Variants in DSCAM observed in about 807,000 individuals in gnomAD.
The protein encoded by DSCAM is DS cell adhesion molecule, also known as cell adhesion molecule DSCAM.
In DSCAM, 47 loss-of-function variants were observed where a neutral mutation model predicts 217.7. The ratio of observed to expected loss-of-function variants is 0.22; its 90% CI spans 0.17 to 0.28. The LOEUF is 0.28. DSCAM is among the 10% of genes least tolerant of loss of function. DSCAM has a pLI of 1.00. For missense variants in DSCAM, 2,080 were observed against 2,618.3 expected (o/e 0.79, Z 4.49); for synonymous variants, 1,056 against 1,015.3 (o/e 1.04, Z -0.76).
intron 3 of DSCAM, among the ~76,000 whole-genome samples, chr21:40,485,425 G>C (rs1196788302): frequency 6.6e-6 from 1 of 151,200 alleles, no homozygotes; most frequent in East Asian, 2.0e-4. Flanking sequence ...TGTATTTTTA[G>C]TAGAGACGGG....
chr21:40,527,894 C>T (rs2076412513), intron 3 of DSCAM, among the ~76,000 whole-genome samples: 1 of 152,152 alleles, frequency 6.6e-6, no homozygotes, highest in African/African-American at 2.4e-5. Flanking sequence ...GACCACCCGC[C>T]TCATAGCTGT....
At chr21:40,349,717 A>T in intron 5 of DSCAM, among the ~76,000 whole-genome samples, 1 of 152,308 alleles carries the variant, frequency 6.6e-6, no homozygotes, top group Middle Eastern at 3.4e-3. Context: ...GGCAAATCAA[A>T]ACAAAACAAA....
intron 9 of DSCAM, among the ~76,000 whole-genome samples, chr21:40,297,514 T>G (rs1271915565): frequency 6.6e-6 from 1 of 152,116 alleles, no homozygotes; most frequent in Non-Finnish European, 1.5e-5. Context: ...AATTCTTAAT[T>G]TTGAGACATA....
intron 3 of DSCAM, among the ~76,000 whole-genome samples, chr21:40,410,388 G>A (rs1019692168): frequency 1.3e-5 from 2 of 152,004 alleles, no homozygotes; most frequent in African/African-American, 2.4e-5. Context: ...TATAGAATAT[G>A]TGCAATTAGA....
At chr21:40,261,872 C>G (rs1046423112) in intron 11 of DSCAM, among the ~76,000 whole-genome samples, 13 of 151,960 alleles carry the variant, frequency 8.6e-5, no homozygotes, top group African/African-American at 3.1e-4. Context: ...AAGCCCTAAC[C>G]AATGTAATGG....
rs1200428987 is a variant in DSCAM, at chr21:40,695,017, C to T, written c.362-2061G>A. 2.6e-5 allele frequency among the ~76,000 whole-genome samples: 4 copies of T among 152,120 alleles called. No individual in the cohort carries two copies. In the East Asian group the frequency reaches 7.7e-4, roughly 29 times the overall value. On this transcript the variant is annotated intron_variant, in intron 2 of 32. Transcript: ENST00000400454. ...GTCTACCGTCACAGGAATAGTGCCCCTAAGCAGGGGAATGATTTCAATTTA... is the reference window on the plus strand; with the variant it reads ...GTCTACCGTCACAGGAATAGTGCCCTTAAGCAGGGGAATGATTTCAATTTA...
rs1555880013 is a variant in DSCAM, at chr21:40,682,601, G to GAGAAAGAGAGAGAGAGAGAA, written c.508+10208_508+10209insTTCTCTCTCTCTCTCTTTCT. 3.1e-4 allele frequency among the ~76,000 whole-genome samples: 14 copies of GAGAAAGAGAGAGAGAGAGAA among 44,978 alleles called. 1 individual carries two copies. The highest frequency in any genetic ancestry group is 1.0e-3 in the African/African-American group (14 of 13,594). 29.5% of individuals were successfully genotyped at this position (44,978 alleles called of 152,430 possible). On this transcript the variant is annotated intron_variant, in intron 3 of 32. Transcript: ENST00000400454. ...GAAGAGAGAAAGAGAGAGAGAAAGA[G>GAGAAAGAGAGAGAGAGAGAA]AGAAAGAAAGAAAGAGAAAGAGAAA...
chr21:40,302,139 T>C (rs1195849979), intron 9 of DSCAM, among the ~76,000 whole-genome samples: 1 of 152,198 alleles, frequency 6.6e-6, no homozygotes, highest in East Asian at 1.9e-4. Context: ...TTTAGTATAT[T>C]GTGGTGAGCC....
chr21:40,836,812 T>C (rs1340675609), intron 1 of DSCAM, among the ~76,000 whole-genome samples: 2 of 152,072 alleles, frequency 1.3e-5, no homozygotes, highest in Non-Finnish European at 2.9e-5. Flanking sequence ...ATAACAAACA[T>C]GGAAACCATA....
intron 1 of DSCAM, among the ~76,000 whole-genome samples, chr21:40,785,903 T>C (rs1258405329): frequency 1.3e-5 from 2 of 152,212 alleles, no homozygotes; most frequent in African/African-American, 4.8e-5. Context: ...ATTGAGATGG[T>C]ATTTTTTCCC....
chr21:40,540,727 C>G (rs1393384495), intron 3 of DSCAM, among the ~76,000 whole-genome samples: 4 of 152,276 alleles, frequency 2.6e-5, no homozygotes, highest in African/African-American at 7.2e-5. Context: ...AGAGCTCCCC[C>G]ATCCCTCCCA....
chr21:40,292,636 C>A (rs956215280), intron 10 of DSCAM, among the ~76,000 whole-genome samples: 5 of 152,114 alleles, frequency 3.3e-5, no homozygotes, highest in Admixed American at 2.6e-4. Context: ...AAATTATTTA[C>A]TCCTTGAGCC....
At chr21:40,338,492 T>C in intron 7 of DSCAM, 116 bp from the exon 8 acceptor site, 1 of 1,131,170 alleles carries the variant, frequency 8.8e-7, no homozygotes, top group Non-Finnish European at 1.2e-6. Context: ...AGCACATCTT[T>C]TTCAGTTAAA....
At chr21:40,542,904 G>A (rs2076553013) in intron 3 of DSCAM, among the ~76,000 whole-genome samples, 1 of 152,046 alleles carries the variant, frequency 6.6e-6, no homozygotes, top group African/African-American at 2.4e-5. Flanking sequence ...AACGACCCCA[G>A]GAAAGAGCTC....
chr21:40,248,639 A>C (rs1480129865), intron 11 of DSCAM, among the ~76,000 whole-genome samples: 2 of 152,290 alleles, frequency 1.3e-5, no homozygotes, highest in East Asian at 1.9e-4. Context: ...GGAAGTTCCA[A>C]ACTTTCCCAC....
At chr21:40,465,926 CTGTT>C (rs2075841369) in intron 3 of DSCAM, among the ~76,000 whole-genome samples, 1 of 151,988 alleles carries the variant, frequency 6.6e-6, no homozygotes, top group African/African-American at 2.4e-5. Context: ...ATCTGCAGAT[CTGTT>C]TGTTTTTGAA....
intron 1 of DSCAM, among the ~76,000 whole-genome samples, chr21:40,782,072 G>C (rs1221215988): frequency 2.0e-5 from 3 of 151,500 alleles, no homozygotes; most frequent in Admixed American, 1.3e-4. Flanking sequence ...TCGGGAGGCT[G>C]AGGCAGGAGA....
chr21:40,225,382 C>T (rs955009011), intron 11 of DSCAM, among the ~76,000 whole-genome samples: 8 of 152,150 alleles, frequency 5.3e-5, no homozygotes, highest in East Asian at 1.9e-4. Flanking sequence ...CTTCCCCCAG[C>T]GATCTCAGGC....
intron 3 of DSCAM, among the ~76,000 whole-genome samples, chr21:40,390,455 G>A (rs143834202): frequency 6.6e-6 from 1 of 152,326 alleles, no homozygotes; most frequent in Non-Finnish European, 1.5e-5. Flanking sequence ...ACCCTATTCC[G>A]TGCTGTGCTC....
Sources: gnomAD v4.1 joint callset for allele counts (sites outside exome capture counted in the v4.1 genomes callset) on GRCh38, gnomAD v4.1.1 for gene constraint, MANE v1.5 for transcripts, NCBI Gene and HGNC (gene_info 2026-07-23, HGNC 2026-07-21) for gene names.